RGS9: variants seen among roughly 807,000 people sequenced by gnomAD.
RGS9 encodes regulator of G protein signaling 9.
In RGS9, 78 loss-of-function variants were observed where a neutral mutation model predicts 102.0. The observed-to-expected ratio is 0.76, with a 90% CI of 0.64 to 0.92. RGS9 has a LOEUF of 0.92. RGS9 is among the 40% of genes least tolerant of loss of function. The pLI is 0.00. For missense variants in RGS9, 833 were observed against 866.1 expected (o/e 0.96, Z 0.48); for synonymous variants, 353 against 318.6 (o/e 1.11, Z -1.15).
At chr17:65,161,540 T>G (rs1444395653) in intron 6 of RGS9, among the ~76,000 whole-genome samples, 1 of 150,852 alleles carries the variant, frequency 6.6e-6, no homozygotes, top group Non-Finnish European at 1.5e-5. Flanking sequence ...GTGTGAGCCA[T>G]CGTGCCTGGC....
At chr17:65,221,145 A>C (rs1287638103) in intron 17 of RGS9, among the ~76,000 whole-genome samples, 3 of 152,228 alleles carry the variant, frequency 2.0e-5, no homozygotes, top group African/African-American at 7.2e-5. Context: ...GGACCATCTC[A>C]GGCCAGGTAA....
intron 17 of RGS9, among the ~76,000 whole-genome samples, chr17:65,214,931 G>A (rs1913430987): frequency 6.6e-6 from 1 of 152,156 alleles, no homozygotes; most frequent in South Asian, 2.1e-4. Context: ...CTTCCATTCT[G>A]CTCATACCTC....
In RGS9 at chr17:65,193,457, A is replaced by T. The variant is rs1912456806; in HGVS notation, c.747-86A>T. 12 of 841,156 alleles carry T rather than the reference A, an allele frequency of 1.4e-5. No homozygotes were observed. The South Asian group carries it at 1.6e-4, about 11-fold the overall frequency. 52.1% of individuals were successfully genotyped at this position (841,156 alleles called of 1,614,324 possible). ...TGTCACCAAATCGATACAGGAAAAG[A>T]GGACAGCCTGGTCAGTTGACCTGTG... On this transcript the variant is annotated intron_variant, in intron 11 of 18. Coordinates refer to ENST00000262406, the MANE Select transcript of RGS9 (RefSeq NM_003835.4).
chr17:65,173,259 A>G lies in RGS9; in HGVS notation c.583-4473A>G, dbSNP rs1911488104. Among the ~76,000 whole-genome samples the G allele has an allele frequency of 6.6e-6, 1 of 152,062 alleles. No individual in the cohort carries two copies. The highest frequency in any genetic ancestry group is 6.6e-5 in the Admixed American group (1 of 15,258). On this transcript the variant is annotated intron_variant, in intron 8 of 18. Transcript: ENST00000262406. This position sits in a 1 kb window ranked among gnomAD's most constrained non-coding sequence, Gnocchi z 4.8. ...CTTTCCCCTGTCTTATTTTGTTTAG[A>G]AAACGAGTTAGTGTTTTACTTAGTA...
chr17:65,189,803 G>A (rs1912290256), intron 10 of RGS9, among the ~76,000 whole-genome samples: 1 of 152,246 alleles, frequency 6.6e-6, no homozygotes, highest in African/African-American at 2.4e-5. Context: ...TTTGGCCAAT[G>A]CTGCAGAATC....
intron 9 of RGS9, among the ~76,000 whole-genome samples, chr17:65,183,872 C>G (rs1271265934): frequency 6.6e-6 from 1 of 152,202 alleles, no homozygotes. Context: ...CACCCTCCAT[C>G]CGGGGTTTGC....
intron 7 of RGS9, among the ~76,000 whole-genome samples, chr17:65,165,659 C>G (rs528306756): frequency 9.2e-4 from 140 of 152,242 alleles, no homozygotes; most frequent in Non-Finnish European, 1.8e-3. Context: ...CTGCCCCTAC[C>G]CTGGTTGAAC....
chr17:65,145,479 C>T (rs916863946), intron 1 of RGS9, among the ~76,000 whole-genome samples: 1 of 151,946 alleles, frequency 6.6e-6, no homozygotes, highest in Non-Finnish European at 1.5e-5. Context: ...ACCTCTGCCT[C>T]CCGGGTTCAA....
intron 12 of RGS9, 49 bp downstream of exon 12, chr17:65,193,705 C>A (rs754763454): frequency 1.8e-6 from 2 of 1,112,866 alleles, no homozygotes. Context: ...TTTTGAGTTA[C>A]AATTCACATG....
chr17:65,163,310 A>C (rs371881956), intron 7 of RGS9, among the ~76,000 whole-genome samples: 22 of 151,294 alleles, frequency 1.5e-4, no homozygotes, highest in Non-Finnish European at 3.2e-4. Flanking sequence ...AGTAGCTGAG[A>C]TTACAGGCAC....
intron 1 of RGS9, among the ~76,000 whole-genome samples, chr17:65,144,467 A>G (rs1910278598): frequency 1.3e-5 from 2 of 152,170 alleles, no homozygotes. Context: ...GAGAGAGGAA[A>G]GGTGCAGCTG....
chr17:65,168,719 T>C (rs1911296005), intron 8 of RGS9, among the ~76,000 whole-genome samples: 1 of 152,042 alleles, frequency 6.6e-6, no homozygotes, highest in African/African-American at 2.4e-5. Context: ...CCTCACTTTT[T>C]CCTCTCCTAG....
chr17:65,177,238 A>G (rs958920293), intron 8 of RGS9, among the ~76,000 whole-genome samples: 4 of 150,000 alleles, frequency 2.7e-5, no homozygotes, highest in Admixed American at 2.0e-4. Flanking sequence ...TTACCTATTC[A>G]TTCATCCATC....
intron 17 of RGS9, among the ~76,000 whole-genome samples, chr17:65,215,497 G>GTT (rs1555617652): frequency 1.5e-5 from 2 of 133,554 alleles, no homozygotes; most frequent in African/African-American, 2.9e-5. Flanking sequence ...TCGTTCTTTC[G>GTT]TTCTTTCTTT....
chr17:65,177,780 C>G lies in RGS9; in HGVS notation c.631C>G (p.Pro211Ala), dbSNP rs772166518. The G allele has an allele frequency of 6.2e-7, 1 of 1,614,182 alleles. No homozygotes were observed. Among genetic ancestry groups the G allele is most frequent in the Admixed American group, 1.7e-5 (1 of 60,028 alleles). The change falls in exon 9 of 19, where the codon CCG becomes GCG. Residue 211 changes from proline (P) to alanine (A), a missense_variant. By Grantham distance (27) the Pro-to-Ala change is conservative (BLOSUM62 -1). Coordinates refer to ENST00000262406, the MANE Select transcript of RGS9 (RefSeq NM_003835.4). ...LDYGLDRVTN[P>A]NEVKVNQKQT... ...CTACGGCCTGGACCGAGTGACCAATCCGAATGAAGTCAAGGTAAACCAGGT... is the reference window on the plus strand; with the variant it reads ...CTACGGCCTGGACCGAGTGACCAATGCGAATGAAGTCAAGGTAAACCAGGT...
Position 65,173,941 on chromosome 17 carries a change from CTTGATTGGGAACA to C in RGS9, c.583-3790_583-3778del, listed in dbSNP as rs1911516591. Among the ~76,000 whole-genome samples, 1 of 152,222 alleles carries C rather than the reference CTTGATTGGGAACA, an allele frequency of 6.6e-6. No individual in the cohort carries two copies. The highest frequency in any genetic ancestry group is 1.5e-5 in the Non-Finnish European group (1 of 68,046). ...GCAGGGAACTGGAAAAGGACCACAGCTTGATTGGGAACAACTGAGACTTAAGGGCTGCTGCCCA... is the reference window on the plus strand; with the variant it reads ...GCAGGGAACTGGAAAAGGACCACAGCACTGAGACTTAAGGGCTGCTGCCCA... On this transcript the variant is annotated intron_variant, in intron 8 of 18. Coordinates refer to ENST00000262406, the MANE Select transcript of RGS9 (RefSeq NM_003835.4). This position sits in a 1 kb window ranked among gnomAD's most constrained non-coding sequence, Gnocchi z 4.8.
rs1248009115 is a variant in RGS9 at position 65,137,388 on chromosome 17, A to G, written c.-153A>G. On this transcript the variant is annotated 5_prime_UTR_variant, in exon 1 of 19. Coordinates refer to ENST00000262406, the MANE Select transcript of RGS9 (RefSeq NM_003835.4). ...CTTTCCAAGTCAGCGGCGCCTAGTG[A>G]GAGTCAGGGGGGCCCGGCCCGCGCC... The G allele has an allele frequency of 2.8e-6, 2 of 715,244 alleles. No individual in the cohort carries two copies. The highest frequency in any genetic ancestry group is 4.9e-6 in the Non-Finnish European group (2 of 406,918). The allele number at this position is 715,244 out of a possible 1,614,324, so 44.3% of individuals were successfully genotyped here.
chr17:65,204,252 G>A lies in RGS9; in HGVS notation c.1154G>A (p.Arg385His), dbSNP rs757795691. Residue 385 changes from arginine (R) to histidine (H), a missense_variant, in exon 15 of 19, where the codon CGC becomes CAC. By Grantham distance (29) the Arg-to-His change is conservative (BLOSUM62 0). Around this residue, in one of 3 missense-constraint regions of RGS9, gnomAD observed 185 missense variants for 248.7 expected, o/e 0.74. Transcript: ENST00000262406. Reference protein sequence around the residue: ...ITVKGLKHPHRYVLDAAQTHI... With the variant: ...ITVKGLKHPHHYVLDAAQTHI... Reference sequence around the variant, plus strand: ...GTGAAGGGGCTGAAGCACCCCCACCGCTATGTGCTGGACGCCGCACAAACC... The same window carrying A: ...GTGAAGGGGCTGAAGCACCCCCACCACTATGTGCTGGACGCCGCACAAACC... 5.6e-6 allele frequency: 9 copies of A among 1,613,528 alleles called. No individual in the cohort carries two copies. The highest frequency in any genetic ancestry group is 1.7e-5 in the Admixed American group (1 of 60,014).
At chr17:65,149,568 G>A (rs1481029703) in intron 1 of RGS9, among the ~76,000 whole-genome samples, 1 of 152,002 alleles carries the variant, frequency 6.6e-6, no homozygotes, top group East Asian at 1.9e-4. Flanking sequence ...CTATTCCTGG[G>A]CACCTAAACA....
Sources: allele counts gnomAD v4.1 joint callset (sites outside exome capture counted in the v4.1 genomes callset), GRCh38; gene constraint gnomAD v4.1.1; regional missense constraint gnomAD v4.1.1; non-coding constraint Gnocchi (gnomAD v3.1); transcripts MANE v1.5; gene names NCBI Gene and HGNC (gene_info 2026-07-23, HGNC 2026-07-21).